Variants in TCF12 observed in about 807,000 individuals in gnomAD.
TCF12 encodes transcription factor 12, also known as DNA-binding protein HTF4.
In TCF12, 45 loss-of-function variants were observed where a neutral mutation model predicts 86.0. The ratio of observed to expected loss-of-function variants is 0.52; its 90% CI spans 0.41 to 0.67. TCF12 has a LOEUF of 0.67. TCF12 is among the 30% of genes least tolerant of loss of function. TCF12 has a pLI of 0.00. For missense variants in TCF12, 881 were observed against 859.9 expected (o/e 1.02, Z -0.31); for synonymous variants, 330 against 299.6 (o/e 1.10, Z -1.05).
chr15:57,220,385 A>G (rs1455749517), intron 8 of TCF12, among the ~76,000 whole-genome samples: 1 of 152,168 alleles, frequency 6.6e-6, no homozygotes, highest in Non-Finnish European at 1.5e-5. Context: ...TAAGGGCCGT[A>G]TTTCCTGTTT....
intron 3 of TCF12, among the ~76,000 whole-genome samples, chr15:56,974,355 G>GT (rs1301919477): frequency 3.3e-5 from 5 of 152,096 alleles, no homozygotes; most frequent in African/African-American, 1.2e-4. Context: ...ACAGGATAAA[G>GT]TAATTGTGGT....
intron 3 of TCF12, among the ~76,000 whole-genome samples, chr15:56,971,508 C>T (rs78078673): frequency 0.013 from 1,972 of 152,216 alleles, 21 homozygotes; most frequent in Non-Finnish European, 0.02. Context: ...ACAGTTCCCA[C>T]CATGGCCTGA....
At chr15:57,066,065 G>C (rs1007772567) in intron 4 of TCF12, among the ~76,000 whole-genome samples, 1 of 151,930 alleles carries the variant, frequency 6.6e-6, no homozygotes, top group Admixed American at 6.6e-5. Context: ...GAAGTTTTTC[G>C]TATCATTTTC....
chr15:56,976,565 T>C (rs1196934744), intron 3 of TCF12, among the ~76,000 whole-genome samples: 1 of 151,970 alleles, frequency 6.6e-6, no homozygotes, highest in Non-Finnish European at 1.5e-5. Flanking sequence ...AATTATAAAA[T>C]TATAATGTTA....
At position 56,976,632 on chromosome 15, in the gene TCF12, T is replaced by A. The variant is rs1301264267; in HGVS notation, c.148+55534T>A. 2.6e-5 allele frequency among the ~76,000 whole-genome samples: 4 copies of A among 152,028 alleles called. No homozygotes were observed. In the East Asian group the frequency reaches 7.7e-4, roughly 29 times the overall value. On this transcript the variant is annotated intron_variant, in intron 3 of 20. Coordinates refer to ENST00000333725, the MANE Select transcript of TCF12 (RefSeq NM_207037.2). ...GAATCTAGGCATTGAGCATCATGAA[T>A]ACTAATATTACCAGAAGACAGCTAG...
At chr15:56,949,061 A>G (rs2061145888) in intron 3 of TCF12, among the ~76,000 whole-genome samples, 1 of 152,232 alleles carries the variant, frequency 6.6e-6, no homozygotes, top group Admixed American at 6.5e-5. Flanking sequence ...TAGACCTCTG[A>G]AAAGGCAAAA....
intron 6 of TCF12, among the ~76,000 whole-genome samples, chr15:57,173,063 T>C (rs1193317166): frequency 6.6e-6 from 1 of 152,158 alleles, no homozygotes; most frequent in East Asian, 1.9e-4. Flanking sequence ...CACTCCAGCC[T>C]GGGCAACAGA....
At chr15:57,231,069 C>G (rs1230147151) in intron 8 of TCF12, 83 bp from the exon 9 acceptor site, 35 of 1,023,940 alleles carry the variant, frequency 3.4e-5, no homozygotes, top group African/African-American at 4.8e-5. Context: ...CTTTTTAAGC[C>G]CCTTACAGAA....
chr15:57,018,392 C>G (rs2065275251), intron 3 of TCF12, among the ~76,000 whole-genome samples: 1 of 152,194 alleles, frequency 6.6e-6, no homozygotes, highest in Non-Finnish European at 1.5e-5. Flanking sequence ...CTGCATAGCT[C>G]AAGAGGCAGG....
intron 19 of TCF12, chr15:57,278,716 C>G (rs1410287758): frequency 2.4e-5 from 3 of 127,298 alleles, no homozygotes; most frequent in Middle Eastern, 3.8e-3. Flanking sequence ...CCCTCCCTCC[C>G]TCTCCCTCCC....
intron 10 of TCF12, 77 bp from the exon 11 acceptor site, chr15:57,232,635 C>A: frequency 1.3e-6 from 2 of 1,490,444 alleles, no homozygotes; most frequent in East Asian, 2.5e-5. Context: ...TCTTTTTGAC[C>A]TGTTATCATA....
At position 57,286,248 on chromosome 15, in the gene TCF12, A is replaced by G; in HGVS notation, c.*103A>G. 4.9e-6 allele frequency: 1 copy of G among 203,558 alleles called. No homozygotes were observed. The highest frequency in any genetic ancestry group is 8.1e-5 in the South Asian group (1 of 12,288). 12.6% of individuals were successfully genotyped at this position (203,558 alleles called of 1,614,324 possible). A position where few individuals can be genotyped will look rare whatever the true frequency, so the allele number is the denominator to read the frequency against. On this transcript the variant is annotated 3_prime_UTR_variant, in exon 21 of 21. Transcript: ENST00000333725. ...TATCTGAAGACACAAACCTGACAGG[A>G]GGGAGAAGAAAAAACAAAACACTTG...
At chr15:56,995,336 G>A (rs1480999923) in intron 3 of TCF12, among the ~76,000 whole-genome samples, 1 of 136,428 alleles carries the variant, frequency 7.3e-6, no homozygotes, top group Non-Finnish European at 1.5e-5. Flanking sequence ...CTAGTTCTGT[G>A]AGAAATGACA....
intron 13 of TCF12, among the ~76,000 whole-genome samples, chr15:57,246,529 CT>C: frequency 9.6e-6 from 1 of 104,246 alleles, no homozygotes; most frequent in Admixed American, 9.6e-5. Context: ...GTTCAGGGTA[CT>C]ACATGCAGAC....
chr15:57,007,946 TC>T (rs2064560325), intron 3 of TCF12, among the ~76,000 whole-genome samples: 1 of 149,788 alleles, frequency 6.7e-6, no homozygotes, highest in African/African-American at 2.5e-5. Flanking sequence ...CTTTCTTTTT[TC>T]TTTCTTTCTC....
intron 3 of TCF12, among the ~76,000 whole-genome samples, chr15:56,965,991 A>G (rs1024726084): frequency 2.0e-5 from 3 of 152,202 alleles, no homozygotes; most frequent in Non-Finnish European, 2.9e-5. Context: ...TACCAAATAT[A>G]TAGTTTTACA....
At chr15:57,244,371 A>G (rs2059763405) in intron 13 of TCF12, among the ~76,000 whole-genome samples, 1 of 152,058 alleles carries the variant, frequency 6.6e-6, no homozygotes, top group Non-Finnish European at 1.5e-5. Flanking sequence ...AGATAAAAAA[A>G]TTCTTGGGAA....
intron 4 of TCF12, among the ~76,000 whole-genome samples, chr15:57,078,135 C>T (rs1212169189): frequency 6.6e-6 from 1 of 152,160 alleles, no homozygotes. Flanking sequence ...CAATATGTTT[C>T]ATTTTGCTTT....
At chr15:57,217,580 A>G (rs2058383067) in intron 8 of TCF12, among the ~76,000 whole-genome samples, 1 of 152,154 alleles carries the variant, frequency 6.6e-6, no homozygotes, top group Non-Finnish European at 1.5e-5. Context: ...AAGTTTTCTC[A>G]GATTGAAGCG....
Sources: allele counts gnomAD v4.1 joint callset (sites outside exome capture counted in the v4.1 genomes callset), GRCh38; gene constraint gnomAD v4.1.1; transcripts MANE v1.5; gene names NCBI Gene and HGNC (gene_info 2026-07-23, HGNC 2026-07-21).